Variants in MYO1E observed in about 807,000 individuals in gnomAD.
MYO1E encodes the protein myosin IE.
Under a neutral mutation model 151.1 loss-of-function variants are expected in MYO1E, and 68 were observed. The ratio of observed to expected loss-of-function variants is 0.45; its 90% CI spans 0.37 to 0.55. MYO1E has a LOEUF of 0.55. MYO1E is among the 20% of genes least tolerant of loss of function. The pLI is 0.00. For missense variants in MYO1E, 1,363 were observed against 1,389.3 expected, an observed-to-expected ratio of 0.98 and a Z score of 0.30; for synonymous variants, 601 against 501.7, an observed-to-expected ratio of 1.20 and a Z score of -2.64.
In MYO1E at chr15:59,137,473, G is replaced by A. The variant is rs2140297638; in HGVS notation, c.3251-17C>T. 6.2e-7 allele frequency: 1 copy of A among 1,611,066 alleles called. No individual in the cohort carries two copies. Among genetic ancestry groups the A allele is most frequent in the Non-Finnish European group, 8.5e-7 (1 of 1,177,260 alleles). On this transcript the variant is annotated splice_polypyrimidine_tract_variant and intron_variant, in intron 27 of 27. Coordinates refer to ENST00000288235, the MANE Select transcript of MYO1E (RefSeq NM_004998.4). ...CAGAAGGATCTGCAGGGAGAGAGAGGTGGTGGAAGTGAAGATGAGAAAGTC... is the reference window on the plus strand; with the variant it reads ...CAGAAGGATCTGCAGGGAGAGAGAGATGGTGGAAGTGAAGATGAGAAAGTC...
chr15:59,180,638 G>T (rs1459294353), intron 18 of MYO1E, among the ~76,000 whole-genome samples: 2 of 151,822 alleles, frequency 1.3e-5, no homozygotes. Context: ...CAATACATGG[G>T]AATTGCCTGG....
At chr15:59,235,339 T>C (rs2080055881) in intron 5 of MYO1E, among the ~76,000 whole-genome samples, 1 of 152,216 alleles carries the variant, frequency 6.6e-6, no homozygotes, top group African/African-American at 2.4e-5. Flanking sequence ...TGACAGTTTC[T>C]TGTGTATACT....
At chr15:59,250,139 C>T (rs1566991909) in intron 4 of MYO1E, among the ~76,000 whole-genome samples, 5 of 152,152 alleles carry the variant, frequency 3.3e-5, no homozygotes, top group South Asian at 2.1e-4. Context: ...GGTGACTGGG[C>T]GGTGATGTCT....
chr15:59,198,573 C>G (rs775249945), intron 16 of MYO1E, among the ~76,000 whole-genome samples: 1 of 152,050 alleles, frequency 6.6e-6, no homozygotes, highest in Non-Finnish European at 1.5e-5. Flanking sequence ...CTCAGCACTT[C>G]GGGAGGCTGA....
At chr15:59,270,141 A>G (rs1416642466) in intron 2 of MYO1E, among the ~76,000 whole-genome samples, 4 of 152,266 alleles carry the variant, frequency 2.6e-5, no homozygotes, top group East Asian at 1.9e-4. Context: ...AACGTAATGT[A>G]TATTTCAAAA....
At chr15:59,214,766 C>CTAAAAACGGGCATGCACTGG in intron 10 of MYO1E, 46 bp from the exon 11 acceptor site, 2 of 1,484,662 alleles carry the variant, frequency 1.3e-6, no homozygotes, top group Non-Finnish European at 1.9e-6. Flanking sequence ...TCCATTCATA[C>CTAAAAACGGGCATGCACTGG]TAAAAACGGG....
At chr15:59,340,795 G>A (rs4775153) in intron 1 of MYO1E, among the ~76,000 whole-genome samples, 83,211 of 151,678 alleles carry the variant, frequency 0.55, 25,011 homozygotes, top group Non-Finnish European at 0.69. Context: ...AGGCTGAGGC[G>A]GGAGGATCAC....
intron 1 of MYO1E, among the ~76,000 whole-genome samples, chr15:59,296,395 G>A (rs1224072583): frequency 6.6e-6 from 1 of 152,152 alleles, no homozygotes; most frequent in African/African-American, 2.4e-5. Flanking sequence ...AACCAAAACA[G>A]ATCTGTTTTC....
Position 59,344,812 on chromosome 15 carries a change from CCAAT to C in MYO1E, c.3+27682_3+27685del, listed in dbSNP as rs201792955. On this transcript the variant is annotated intron_variant, in intron 1 of 27. Coordinates refer to ENST00000288235, the MANE Select transcript of MYO1E (RefSeq NM_004998.4). ...CACGGGGAGTGCTGCCAGGGCACCACCAATCAAAGAGCATAATATTTAGATTCAA... is the reference window on the plus strand; with the variant it reads ...CACGGGGAGTGCTGCCAGGGCACCACCAAAGAGCATAATATTTAGATTCAA... 6.6e-5 allele frequency among the ~76,000 whole-genome samples: 10 copies of C among 152,310 alleles called. No homozygotes were observed. The East Asian group carries it at 1.7e-3, about 26-fold the overall frequency.
intron 26 of MYO1E, among the ~76,000 whole-genome samples, chr15:59,140,829 C>T (rs1351144050): frequency 2.6e-5 from 4 of 152,158 alleles, no homozygotes; most frequent in African/African-American, 7.2e-5. Flanking sequence ...TTACACCACC[C>T]CACGTGGGAG....
At position 59,173,803 on chromosome 15, in the gene MYO1E, GC is replaced by G; in HGVS notation, c.2276del (p.Gly759AlafsTer22). 1 of 1,613,932 alleles carries G rather than the reference GC, an allele frequency of 6.2e-7. No homozygotes were observed. Among genetic ancestry groups the G allele is most frequent in the Non-Finnish European group, 8.5e-7 (1 of 1,179,926 alleles). ...CTGCGAAATCAATCTTCTCCCTCTT[GC>G]CCACGAACTGCTGGAGTTCTGGGTG... ...EEHPELQQFV[G>X]KREKIDFADT... On this transcript the variant is annotated frameshift_variant, in exon 21 of 28. Coordinates refer to ENST00000288235, the MANE Select transcript of MYO1E (RefSeq NM_004998.4). LOFTEE classifies it high-confidence loss of function.
At chr15:59,207,302 C>A in intron 14 of MYO1E, 1 of 1,614,108 alleles carries the variant, frequency 6.2e-7, no homozygotes, top group East Asian at 2.2e-5. Context: ...AGCCCTTTCA[C>A]GAAAATGCCA....
chr15:59,225,650 C>CTT (rs113019199), intron 7 of MYO1E, among the ~76,000 whole-genome samples: 2,636 of 139,150 alleles, frequency 0.019, 82 homozygotes, highest in East Asian at 0.11. Flanking sequence ...CTTTTCTTTT[C>CTT]TTTTTTTTTT....
rs74020331 is a variant in MYO1E at position 59,260,864 on chromosome 15, C to G, written c.237+556G>C. Reference sequence around the variant, plus strand: ...GCTGTAGGTCCTACATCCTATTTAACTAATTTTCTATGCAAATAAGGCTCA... The same window carrying G: ...GCTGTAGGTCCTACATCCTATTTAAGTAATTTTCTATGCAAATAAGGCTCA... On this transcript the variant is annotated intron_variant, in intron 3 of 27. Coordinates refer to ENST00000288235, the MANE Select transcript of MYO1E (RefSeq NM_004998.4). Among the ~76,000 whole-genome samples the G allele has an allele frequency of 6.3e-3, 952 of 152,156 alleles. 10 individuals are homozygous for G. The highest frequency in any genetic ancestry group is 0.022 in the African/African-American group (900 of 41,500).
At chr15:59,163,831 T>G (rs2140311983) in intron 22 of MYO1E, among the ~76,000 whole-genome samples, 1 of 152,348 alleles carries the variant, frequency 6.6e-6, no homozygotes, top group Non-Finnish European at 1.5e-5. Flanking sequence ...TGGCAAACAG[T>G]GCTCTGTGGA....
chr15:59,368,670 C>T (rs1189890861), intron 1 of MYO1E, among the ~76,000 whole-genome samples: 2 of 151,832 alleles, frequency 1.3e-5, no homozygotes, highest in Non-Finnish European at 2.9e-5. Context: ...CGTTTGAAAC[C>T]GGGAGGCGGA....
chr15:59,265,788 T>C, intron 2 of MYO1E, among the ~76,000 whole-genome samples: 2 of 96,360 alleles, frequency 2.1e-5, no homozygotes, highest in African/African-American at 9.0e-5. Context: ...AGACCCCATC[T>C]CCTTAAAAAA....
At chr15:59,359,392 G>A (rs549152059) in intron 1 of MYO1E, among the ~76,000 whole-genome samples, 14 of 150,846 alleles carry the variant, frequency 9.3e-5, no homozygotes, top group Non-Finnish European at 2.1e-4. Flanking sequence ...AAGAGGCTGA[G>A]ATGGGAGGCT....
At position 59,201,584 on chromosome 15, in the gene MYO1E, A is replaced by G. The variant is rs527944442; in HGVS notation, c.1698+742T>C. ...CACGCCTGGCTAATTTTGTATTTTT[A>G]GTAGAGACAGGGTTTCTCCATGTTG... On this transcript the variant is annotated intron_variant, in intron 16 of 27. Transcript: ENST00000288235. Among the ~76,000 whole-genome samples the G allele has an allele frequency of 3.9e-5, 6 of 152,090 alleles. No homozygotes were observed. The South Asian group carries it at 1.3e-3, about 32-fold the overall frequency.
Sources: gnomAD v4.1 joint callset for allele counts (sites outside exome capture counted in the v4.1 genomes callset) on GRCh38, gnomAD v4.1.1 for gene constraint, MANE v1.5 for transcripts, NCBI Gene and HGNC (gene_info 2026-07-23, HGNC 2026-07-21) for gene names.